The following APBB2 variants were observed in gnomAD, a reference collection of about 807,000 sequenced individuals.
The protein encoded by APBB2 is amyloid beta precursor protein binding family B member 2.
In APBB2, 38 loss-of-function variants were observed where a neutral mutation model predicts 82.5. The ratio of observed to expected loss-of-function variants is 0.46; its 90% CI spans 0.36 to 0.60. APBB2 has a LOEUF of 0.60. Among genes scored for constraint, APBB2 ranks in the 20% least tolerant of loss-of-function variants. The pLI is 0.00. For missense variants in APBB2, 772 were observed against 972.3 expected, an observed-to-expected ratio of 0.79 and a Z score of 2.74; for synonymous variants, 341 against 368.2, an observed-to-expected ratio of 0.93 and a Z score of 0.85.
At chr4:41,068,490 A>AGTC (rs1459936955) in intron 3 of APBB2, among the ~76,000 whole-genome samples, 2 of 152,206 alleles carry the variant, frequency 1.3e-5, no homozygotes, top group African/African-American at 4.8e-5. Flanking sequence ...ATGAGATGAC[A>AGTC]GGTAAATGGT....
intron 2 of APBB2, chr4:41,113,997 G>GC (rs1750105905): frequency 6.6e-6 from 1 of 152,234 alleles, no homozygotes; most frequent in African/African-American, 2.4e-5. Context: ...CATTAGCCTG[G>GC]CCCCTGCGCA....
Position 40,898,191 on chromosome 4 carries a change from A to G in APBB2, c.1255-4780T>C, listed in dbSNP as rs188321211. 2.0e-5 allele frequency among the ~76,000 whole-genome samples: 3 copies of G among 152,326 alleles called. No individual in the cohort carries two copies. The East Asian group carries it at 5.8e-4, about 29-fold the overall frequency. ...ACAGCATGTGCGAGGCCCAAAGAAG[A>G]TAATGCTGGTAAAATGCTTAGCATC... On this transcript the variant is annotated intron_variant, in intron 10 of 17. Transcript: ENST00000508593.
At chr4:40,999,266 C>A (rs957978921) in intron 6 of APBB2, among the ~76,000 whole-genome samples, 2 of 151,938 alleles carry the variant, frequency 1.3e-5, no homozygotes, top group Non-Finnish European at 1.5e-5. Flanking sequence ...TATAGGGAGA[C>A]CCTGTCTCTA....
At chr4:41,194,663 C>T in intron 1 of APBB2, among the ~76,000 whole-genome samples, 1 of 149,478 alleles carries the variant, frequency 6.7e-6, no homozygotes. Context: ...GACCTTGCCT[C>T]AAAAAATAAA....
At chr4:40,856,942 C>G in intron 12 of APBB2, 3 of 985,312 alleles carry the variant, frequency 3.0e-6, no homozygotes, top group Non-Finnish European at 3.6e-6. Context: ...TCGCTGTCCC[C>G]GCGAGCGAGC....
At chr4:40,914,508 C>T (rs1484707372) in intron 10 of APBB2, among the ~76,000 whole-genome samples, 14 of 152,162 alleles carry the variant, frequency 9.2e-5, no homozygotes, top group Admixed American at 6.5e-4. Context: ...GCCGACATCG[C>T]GCCATTGCAC....
At chr4:41,143,973 T>C (rs1759975461) in intron 1 of APBB2, among the ~76,000 whole-genome samples, 1 of 152,200 alleles carries the variant, frequency 6.6e-6, no homozygotes, top group East Asian at 1.9e-4. Context: ...AGTGTGGAAA[T>C]AACTTATGCT....
intron 3 of APBB2, among the ~76,000 whole-genome samples, chr4:41,078,166 C>G (rs1736301104): frequency 6.6e-6 from 1 of 152,042 alleles, no homozygotes; most frequent in South Asian, 2.1e-4. Context: ...AGATAAACCC[C>G]TCTCTTCCTC....
chr4:41,109,419 T>G (rs1170390828), intron 2 of APBB2, among the ~76,000 whole-genome samples: 3 of 152,074 alleles, frequency 2.0e-5, no homozygotes, highest in Non-Finnish European at 2.9e-5. Flanking sequence ...GCCTCCCAAG[T>G]AGCTGGTACT....
intron 6 of APBB2, among the ~76,000 whole-genome samples, chr4:40,960,132 A>C (rs1196720295): frequency 6.6e-6 from 1 of 152,176 alleles, no homozygotes; most frequent in Non-Finnish European, 1.5e-5. Flanking sequence ...TGATGTAAAA[A>C]AGGATTTTAG....
At chr4:40,993,755 G>A (rs530482946) in intron 6 of APBB2, among the ~76,000 whole-genome samples, 2 of 152,120 alleles carry the variant, frequency 1.3e-5, no homozygotes, top group African/African-American at 2.4e-5. Flanking sequence ...TGTTTTCCAC[G>A]TTTTTCATTA....
chr4:41,078,474 A>G (rs2153925669), intron 3 of APBB2, among the ~76,000 whole-genome samples: 1 of 152,364 alleles, frequency 6.6e-6, no homozygotes, highest in African/African-American at 2.4e-5. Context: ...TTCATTTTCT[A>G]CTATAAACAA....
chr4:41,038,966 T>C (rs921349310), intron 4 of APBB2, among the ~76,000 whole-genome samples: 1 of 144,458 alleles, frequency 6.9e-6, no homozygotes, highest in Non-Finnish European at 1.6e-5. Context: ...TATTGACAAC[T>C]CAGACATGAT....
intron 4 of APBB2, among the ~76,000 whole-genome samples, chr4:41,048,048 G>A (rs4861360): frequency 0.25 from 37,352 of 152,034 alleles, 4,791 homozygotes; most frequent in Admixed American, 0.35. Flanking sequence ...GAAAATTATA[G>A]TGAAATCCCA....
intron 5 of APBB2, among the ~76,000 whole-genome samples, chr4:41,029,535 A>G (rs182426746): frequency 5.6e-4 from 86 of 152,356 alleles, no homozygotes; most frequent in Admixed American, 1.2e-3. Context: ...TAACTGCCTG[A>G]GGACTCACTC....
chr4:40,886,310 C>G (rs189755218), intron 12 of APBB2, among the ~76,000 whole-genome samples: 318 of 152,274 alleles, frequency 2.1e-3, no homozygotes, highest in Non-Finnish European at 4.0e-3. Flanking sequence ...GAAACCCTGT[C>G]TCTACTAAAA....
chr4:41,109,721 C>T (rs190987535), intron 2 of APBB2, among the ~76,000 whole-genome samples: 1 of 152,184 alleles, frequency 6.6e-6, no homozygotes, highest in African/African-American at 2.4e-5. Context: ...CTGCCCGCCT[C>T]GGCCTCCCAA....
intron 2 of APBB2, among the ~76,000 whole-genome samples, chr4:41,132,299 T>C (rs1192496695): frequency 1.3e-5 from 2 of 152,204 alleles, no homozygotes; most frequent in African/African-American, 4.8e-5. Context: ...TAAGCAGCTA[T>C]TGCTACCAGA....
At chr4:40,990,317 CTT>C in intron 6 of APBB2, 1 of 152,232 alleles carries the variant, frequency 6.6e-6, no homozygotes, top group East Asian at 1.9e-4. Flanking sequence ...CCCCTCCCCT[CTT>C]GTCTCTCTCT....
Sources: gnomAD v4.1 joint callset for allele counts (sites outside exome capture counted in the v4.1 genomes callset) on GRCh38, gnomAD v4.1.1 for gene constraint, MANE v1.5 for transcripts, NCBI Gene and HGNC (gene_info 2026-07-23, HGNC 2026-07-21) for gene names.